KLHL29: variants seen among roughly 807,000 people sequenced by gnomAD.
KLHL29 encodes kelch-like protein 29.
KLHL29 carries 21 observed loss-of-function variants against 80.4 expected under a neutral mutation model. The observed-to-expected ratio is 0.26, with a 90% CI of 0.19 to 0.38. The LOEUF is 0.38. KLHL29 is among the 10% of genes least tolerant of loss of function. The probability of loss-of-function intolerance (pLI) is 1.00; values close to 1 mark genes in which losing one functional copy is unlikely to be tolerated. For missense variants in KLHL29, 867 were observed against 1,223.9 expected, an observed-to-expected ratio of 0.71 and a Z score of 4.35; for synonymous variants, 511 against 526.8, an observed-to-expected ratio of 0.97 and a Z score of 0.41.
chr2:23,469,823 C>T (rs1281278622), intron 1 of KLHL29, among the ~76,000 whole-genome samples: 1 of 152,062 alleles, frequency 6.6e-6, no homozygotes, highest in Non-Finnish European at 1.5e-5. Flanking sequence ...TTGGTAGGTC[C>T]AGTTGGCACC....
At chr2:23,533,687 C>T (rs1172976111) in intron 2 of KLHL29, among the ~76,000 whole-genome samples, 2 of 152,088 alleles carry the variant, frequency 1.3e-5, no homozygotes, top group Non-Finnish European at 2.9e-5. Flanking sequence ...CCCACTCTCC[C>T]GGGACTAACA....
Position 23,462,932 on chromosome 2 carries a change from C to T in KLHL29, c.-153-12628C>T, listed in dbSNP as rs917587222. On this transcript the variant is annotated intron_variant, in intron 1 of 13. Coordinates refer to ENST00000486442, the MANE Select transcript of KLHL29 (RefSeq NM_052920.2). Reference sequence around the variant, plus strand: ...GGAGGATTGCTTGAGCCCGGGAGTTCGAGGGCAGCCTGGGCAACATAGCAA... The same window carrying T: ...GGAGGATTGCTTGAGCCCGGGAGTTTGAGGGCAGCCTGGGCAACATAGCAA... 7.9e-5 allele frequency among the ~76,000 whole-genome samples: 12 copies of T among 151,974 alleles called. No individual in the cohort carries two copies. In the East Asian group the frequency reaches 1.2e-3, roughly 15 times the overall value.
intron 1 of KLHL29, among the ~76,000 whole-genome samples, chr2:23,460,302 T>G (rs1352306416): frequency 6.6e-6 from 1 of 152,182 alleles, no homozygotes; most frequent in African/African-American, 2.4e-5. Context: ...TTCACGGGGC[T>G]TATAGTTTTT....
chr2:23,411,480 A>T (rs1309881717), intron 1 of KLHL29, among the ~76,000 whole-genome samples: 1 of 148,092 alleles, frequency 6.8e-6, no homozygotes, highest in Non-Finnish European at 1.5e-5. Flanking sequence ...AGAGAGGGAG[A>T]TGGGTTATGA....
intron 1 of KLHL29, among the ~76,000 whole-genome samples, chr2:23,429,181 C>T (rs1223343743): frequency 2.6e-5 from 4 of 152,230 alleles, no homozygotes; most frequent in East Asian, 1.9e-4. Flanking sequence ...CATACATGCT[C>T]AGCTGGGCCC....
intron 2 of KLHL29, among the ~76,000 whole-genome samples, chr2:23,493,727 G>A (rs541074649): frequency 5.3e-5 from 8 of 152,242 alleles, no homozygotes; most frequent in African/African-American, 1.9e-4. Context: ...GTGTGTCCGT[G>A]TGGTCACTTG....
chr2:23,442,151 A>G (rs1663545478), intron 1 of KLHL29, among the ~76,000 whole-genome samples: 1 of 151,984 alleles, frequency 6.6e-6, no homozygotes, highest in Non-Finnish European at 1.5e-5. Context: ...TGACACAAAA[A>G]CGGCTTACTG....
chr2:23,603,510 A>C (rs1469464657), intron 3 of KLHL29, among the ~76,000 whole-genome samples: 1 of 152,216 alleles, frequency 6.6e-6, no homozygotes, highest in Non-Finnish European at 1.5e-5. Flanking sequence ...CTACCCAGCC[A>C]GTTGCTTTCC....
intron 2 of KLHL29, among the ~76,000 whole-genome samples, chr2:23,561,262 G>T (rs1029942638): frequency 6.6e-6 from 1 of 152,180 alleles, no homozygotes; most frequent in African/African-American, 2.4e-5. Flanking sequence ...GGCCCTGGAT[G>T]GGCAGGGAAC....
chr2:23,582,031 C>G (rs1667997307), intron 3 of KLHL29, among the ~76,000 whole-genome samples: 1 of 152,132 alleles, frequency 6.6e-6, no homozygotes, highest in South Asian at 2.1e-4. Flanking sequence ...GCTGCTCCAG[C>G]TTTGTGGCCT....
rs958962877 is a variant in KLHL29 at position 23,682,463 on chromosome 2, C to G, written c.941-1936C>G. 6.6e-6 allele frequency among the ~76,000 whole-genome samples: 1 copy of G among 152,180 alleles called. No homozygotes were observed. Among genetic ancestry groups the G allele is most frequent in the Non-Finnish European group, 1.5e-5 (1 of 68,032 alleles). ...CTCCCATTGGCCTCCCAAGCCACTC[C>G]CCATCCTGCCTCTGTGTGGATTTGT... On this transcript the variant is annotated intron_variant, in intron 5 of 13. Transcript: ENST00000486442. This position sits in a 1 kb window ranked among gnomAD's most constrained non-coding sequence, Gnocchi z 4.1.
At chr2:23,536,458 G>A (rs1666663826) in intron 2 of KLHL29, among the ~76,000 whole-genome samples, 1 of 152,168 alleles carries the variant, frequency 6.6e-6, no homozygotes, top group South Asian at 2.1e-4. Context: ...GCCTGAGCAG[G>A]CCTGCCGTGG....
At chr2:23,424,144 A>G (rs1662938513) in intron 1 of KLHL29, among the ~76,000 whole-genome samples, 1 of 152,246 alleles carries the variant, frequency 6.6e-6, no homozygotes. Context: ...CGATACTTCT[A>G]GAACAAGTGC....
At chr2:23,388,975 C>A (rs1028978971) in intron 1 of KLHL29, among the ~76,000 whole-genome samples, 4 of 131,008 alleles carry the variant, frequency 3.1e-5, no homozygotes, top group Admixed American at 2.4e-4. Flanking sequence ...TCCTTTTTTT[C>A]TTTCTTTCTT....
chr2:23,622,055 TGCAATGCACA>T (rs1669196520), intron 3 of KLHL29, among the ~76,000 whole-genome samples: 1 of 152,192 alleles, frequency 6.6e-6, no homozygotes, highest in Non-Finnish European at 1.5e-5. Context: ...GCTGGGCACC[TGCAATGCACA>T]TCCTTCCAGC....
At chr2:23,637,431 T>C (rs1297968907) in intron 3 of KLHL29, among the ~76,000 whole-genome samples, 1 of 152,204 alleles carries the variant, frequency 6.6e-6, no homozygotes, top group East Asian at 1.9e-4. Context: ...CAGATAGAAA[T>C]GGGGCAGGCC....
chr2:23,634,491 G>A (rs553045181), intron 3 of KLHL29, among the ~76,000 whole-genome samples: 224 of 152,234 alleles, frequency 1.5e-3, no homozygotes, highest in Non-Finnish European at 2.7e-3. Flanking sequence ...GCTTCTTCTC[G>A]AGGCTTCATT....
intron 5 of KLHL29, among the ~76,000 whole-genome samples, chr2:23,667,023 G>A (rs1361550265): frequency 2.0e-5 from 3 of 152,224 alleles, no homozygotes; most frequent in African/African-American, 4.8e-5. Context: ...GTCAGGCTCA[G>A]TGAGGTTCCC....
intron 5 of KLHL29, among the ~76,000 whole-genome samples, chr2:23,644,811 C>T (rs1440595190): frequency 6.6e-6 from 1 of 152,222 alleles, no homozygotes; most frequent in African/African-American, 2.4e-5. Context: ...TCTACCAGGC[C>T]CCACTGGGCA....
Sources: allele counts gnomAD v4.1 joint callset (sites outside exome capture counted in the v4.1 genomes callset), GRCh38; gene constraint gnomAD v4.1.1; non-coding constraint Gnocchi (gnomAD v3.1); transcripts MANE v1.5; gene names NCBI Gene and HGNC (gene_info 2026-07-23, HGNC 2026-07-21).